DPP10: variants seen among roughly 807,000 people sequenced by gnomAD.
DPP10 encodes the protein inactive dipeptidyl peptidase 10.
DPP10 carries 33 observed loss-of-function variants against 120.9 expected under a neutral mutation model. That is an observed-to-expected ratio of 0.27 (90% CI 0.21 to 0.37). The LOEUF is 0.37. DPP10 is among the 10% of genes least tolerant of loss of function. The pLI, the probability that DPP10 is intolerant of heterozygous loss-of-function variation, is 1.00. For missense variants in DPP10, 816 were observed against 942.8 expected, an observed-to-expected ratio of 0.87 and a Z score of 1.76; for synonymous variants, 337 against 326.1, an observed-to-expected ratio of 1.03 and a Z score of -0.36.
chr2:114,446,906 T>A (rs1677973398), intron 1 of DPP10, among the ~76,000 whole-genome samples: 1 of 152,188 alleles, frequency 6.6e-6, no homozygotes, highest in Non-Finnish European at 1.5e-5. Flanking sequence ...GTTAAATACG[T>A]AGGCTTGGAA....
At chr2:114,953,925 A>G (rs1697989829) in intron 1 of DPP10, among the ~76,000 whole-genome samples, 3 of 152,098 alleles carry the variant, frequency 2.0e-5, no homozygotes, top group Admixed American at 6.5e-5. Context: ...CATTTTGGTG[A>G]AAAGTTATGC....
intron 3 of DPP10, chr2:115,468,724 A>G: frequency 2.6e-6 from 1 of 381,380 alleles, no homozygotes; most frequent in Non-Finnish European, 5.1e-6. Flanking sequence ...CCAAGGAAGA[A>G]GAATTTCAGG....
At chr2:114,786,732 T>C (rs1346026378) in intron 1 of DPP10, among the ~76,000 whole-genome samples, 1 of 152,200 alleles carries the variant, frequency 6.6e-6, no homozygotes, top group Non-Finnish European at 1.5e-5. Context: ...ACTGGTAATT[T>C]AGTTCATATC....
At chr2:115,388,273 C>T (rs757009952) in intron 3 of DPP10, among the ~76,000 whole-genome samples, 6 of 152,168 alleles carry the variant, frequency 3.9e-5, no homozygotes, top group Non-Finnish European at 8.8e-5. Flanking sequence ...TAGATAGGTG[C>T]CATGTTATTT....
chr2:115,326,529 C>T (rs890027608), intron 2 of DPP10, among the ~76,000 whole-genome samples: 7 of 152,058 alleles, frequency 4.6e-5, no homozygotes, highest in African/African-American at 9.6e-5. Context: ...AATAGCCTCA[C>T]GAATGTTCTT....
rs566990033 is a variant in DPP10 at position 115,128,609 on chromosome 2, T to G, written c.61-180630T>G. Among the ~76,000 whole-genome samples the G allele has an allele frequency of 2.0e-5, 3 of 152,352 alleles. No homozygotes were observed. The East Asian group carries it at 5.8e-4, about 29-fold the overall frequency. On this transcript the variant is annotated intron_variant, in intron 1 of 25. Coordinates refer to ENST00000410059, the MANE Select transcript of DPP10 (RefSeq NM_020868.6). The stretch of plus-strand genomic sequence containing the variant: ...AACCAGATTTATTTACTGCAGTATT[T>G]CTCAGACCATTAGAACATGTGTAGT...
At chr2:115,167,301 C>G (rs563875780) in intron 1 of DPP10, among the ~76,000 whole-genome samples, 227 of 151,040 alleles carry the variant, frequency 1.5e-3, no homozygotes, top group African/African-American at 5.0e-3. Context: ...GTGGCTCCCA[C>G]TTGTAATCCC....
chr2:114,883,483 G>A (rs764013802), intron 1 of DPP10, among the ~76,000 whole-genome samples: 18 of 152,150 alleles, frequency 1.2e-4, no homozygotes, highest in Non-Finnish European at 2.6e-4. Flanking sequence ...AGCTAGGAAT[G>A]CATATGAATA....
At chr2:115,803,970 A>G (rs1399823104) in intron 19 of DPP10, among the ~76,000 whole-genome samples, 1 of 152,056 alleles carries the variant, frequency 6.6e-6, no homozygotes, top group Non-Finnish European at 1.5e-5. Context: ...GAATCTGAAT[A>G]TTGGCCTTCC....
chr2:115,011,486 A>G (rs1435256258), intron 1 of DPP10, among the ~76,000 whole-genome samples: 1 of 152,178 alleles, frequency 6.6e-6, no homozygotes, highest in South Asian at 2.1e-4. Flanking sequence ...CTTCTGATAA[A>G]TTGACCCTTT....
chr2:115,268,278 G>GA (rs201159558), intron 1 of DPP10, among the ~76,000 whole-genome samples: 3 of 151,956 alleles, frequency 2.0e-5, no homozygotes, highest in East Asian at 1.9e-4. Flanking sequence ...GTTTATAGGG[G>GA]AAAAAAAATT....
intron 1 of DPP10, among the ~76,000 whole-genome samples, chr2:114,668,799 A>G (rs1193566869): frequency 1.3e-5 from 2 of 152,070 alleles, no homozygotes; most frequent in South Asian, 2.1e-4. Context: ...TCCCTCCTCT[A>G]TTCTCTGATA....
intron 1 of DPP10, among the ~76,000 whole-genome samples, chr2:115,244,231 TATATATATAGAGAGAGAGAGAG>T (rs1405582091): frequency 2.8e-3 from 109 of 39,384 alleles, no homozygotes; most frequent in African/African-American, 0.011. Flanking sequence ...TATATATATA[TATATATATAGAGAGAGAGAGAG>T]AGAGAGAGAG....
At chr2:115,417,728 G>C (rs1189510939) in intron 3 of DPP10, among the ~76,000 whole-genome samples, 1 of 152,152 alleles carries the variant, frequency 6.6e-6, no homozygotes, top group Non-Finnish European at 1.5e-5. Context: ...ACTGTATGCT[G>C]CCTATGAATT....
intron 1 of DPP10, among the ~76,000 whole-genome samples, chr2:115,035,155 C>G (rs997808191): frequency 6.6e-6 from 1 of 152,222 alleles, no homozygotes; most frequent in Non-Finnish European, 1.5e-5. Context: ...TACCTATGCT[C>G]TATGCCTTCT....
At chr2:115,125,768 G>A (rs1315672923) in intron 1 of DPP10, among the ~76,000 whole-genome samples, 2 of 151,708 alleles carry the variant, frequency 1.3e-5, no homozygotes, top group Admixed American at 1.3e-4. Context: ...ATTTCTAATA[G>A]AGACCGGGTT....
Position 114,763,323 on chromosome 2 carries a change from G to A in DPP10, c.60+320485G>A, listed in dbSNP as rs150961000. Among the ~76,000 whole-genome samples the A allele has an allele frequency of 5.8e-4, 88 of 152,310 alleles. No homozygotes were observed. The East Asian group carries it at 0.015, about 26-fold the overall frequency. On this transcript the variant is annotated intron_variant, in intron 1 of 25. Coordinates refer to ENST00000410059, the MANE Select transcript of DPP10 (RefSeq NM_020868.6). ...AGAGTGAAGAAGAAACCACTGACAC[G>A]ATTTATAGTCAGGTCTCACTCTTTT... is the stretch of plus-strand genomic sequence containing the variant.
At chr2:114,519,978 C>T (rs927220656) in intron 1 of DPP10, among the ~76,000 whole-genome samples, 15 of 95,752 alleles carry the variant, frequency 1.6e-4, no homozygotes, top group Middle Eastern at 6.8e-3. Flanking sequence ...CCCAGTAGCA[C>T]GTATATTTCT....
intron 1 of DPP10, among the ~76,000 whole-genome samples, chr2:114,544,695 ATAAT>A (rs1341997239): frequency 6.6e-6 from 1 of 151,246 alleles, no homozygotes; most frequent in Non-Finnish European, 1.5e-5. Flanking sequence ...ATTAAGCGTA[ATAAT>A]TAAGTGCTCA....
Sources: gnomAD v4.1 joint callset for allele counts (sites outside exome capture counted in the v4.1 genomes callset) on GRCh38, gnomAD v4.1.1 for gene constraint, MANE v1.5 for transcripts, NCBI Gene and HGNC (gene_info 2026-07-23, HGNC 2026-07-21) for gene names.